SLC14A2: variants seen among roughly 807,000 people sequenced by gnomAD.
The protein encoded by SLC14A2 is solute carrier family 14 member 2.
Under a neutral mutation model 104.6 loss-of-function variants are expected in SLC14A2, and 91 were observed. The observed-to-expected ratio is 0.87, with a 90% CI of 0.73 to 1.04. The LOEUF is 1.04. Ranked by LOEUF, SLC14A2 falls within the 50% of genes least tolerant of loss-of-function variation. The probability of loss-of-function intolerance (pLI) is 0.00; values close to 1 mark genes in which losing one functional copy is unlikely to be tolerated. For missense variants in SLC14A2, 1,189 were observed against 1,156.0 expected, an observed-to-expected ratio of 1.03 and a Z score of -0.41; for synonymous variants, 476 against 466.4, an observed-to-expected ratio of 1.02 and a Z score of -0.27.
intron 1 of SLC14A2, among the ~76,000 whole-genome samples, chr18:45,350,399 G>T (rs1328031220): frequency 6.6e-6 from 1 of 152,120 alleles, no homozygotes; most frequent in Non-Finnish European, 1.5e-5. Flanking sequence ...AAGGTCACAG[G>T]GACAGCACGT....
chr18:45,546,643 G>A (rs375724137), intron 2 of SLC14A2, among the ~76,000 whole-genome samples: 5 of 152,294 alleles, frequency 3.3e-5, no homozygotes, highest in Non-Finnish European at 5.9e-5. Context: ...GATTGGTTTC[G>A]AAGCCAGACT....
intron 1 of SLC14A2, among the ~76,000 whole-genome samples, chr18:45,216,097 T>C (rs2143978949): frequency 6.6e-6 from 1 of 152,270 alleles, no homozygotes; most frequent in East Asian, 1.9e-4. Context: ...AAGAATAAAC[T>C]TTTTTTCCCT....
intron 2 of SLC14A2, among the ~76,000 whole-genome samples, chr18:45,541,011 T>A (rs906628556): frequency 6.6e-6 from 1 of 152,124 alleles, no homozygotes; most frequent in Admixed American, 6.5e-5. Flanking sequence ...GAATGTCTTA[T>A]TTCAGCCCTT....
chr18:45,681,044 GTTTTTTTTTTTTTTTTTTTTTTTT>G, intron 19 of SLC14A2, among the ~76,000 whole-genome samples: 1 of 5,374 alleles, frequency 1.9e-4, no homozygotes, highest in Admixed American at 3.8e-3. Context: ...AGTATCTGAG[GTTTTTTTTTTTTTTTTTTTTTTTT>G]TTTTTTTTTT....
chr18:45,462,682 A>C (rs981296166), intron 1 of SLC14A2, among the ~76,000 whole-genome samples: 1 of 152,224 alleles, frequency 6.6e-6, no homozygotes, highest in Non-Finnish European at 1.5e-5. Flanking sequence ...CACGTGGTAG[A>C]TGGAGCAGCT....
At chr18:45,281,958 G>A (rs1817692543) in intron 1 of SLC14A2, among the ~76,000 whole-genome samples, 1 of 152,060 alleles carries the variant, frequency 6.6e-6, no homozygotes, top group Non-Finnish European at 1.5e-5. Flanking sequence ...CTCTGACCTG[G>A]TTCCTACTTG....
At chr18:45,606,080 T>C (rs963478444) in intron 2 of SLC14A2, among the ~76,000 whole-genome samples, 2 of 152,156 alleles carry the variant, frequency 1.3e-5, no homozygotes, top group African/African-American at 4.8e-5. Flanking sequence ...GGGGAGGTGA[T>C]GAGGAAGTAT....
intron 1 of SLC14A2, among the ~76,000 whole-genome samples, chr18:45,359,079 T>G (rs1402757362): frequency 6.6e-6 from 1 of 152,098 alleles, no homozygotes; most frequent in Non-Finnish European, 1.5e-5. Flanking sequence ...TCAGATGAGA[T>G]AATGTCACTT....
intron 1 of SLC14A2, among the ~76,000 whole-genome samples, chr18:45,337,031 G>GAA (rs111926259): frequency 3.4e-5 from 5 of 145,980 alleles, no homozygotes; most frequent in African/African-American, 1.0e-4. Context: ...AAAATATTTA[G>GAA]AAAAAAAAAA....
chr18:45,306,843 A>T (rs1377806568), intron 1 of SLC14A2, among the ~76,000 whole-genome samples: 1 of 152,144 alleles, frequency 6.6e-6, no homozygotes, highest in East Asian at 1.9e-4. Context: ...CTTTGTGCGT[A>T]ACTCACTTGT....
At chr18:45,525,078 AG>A (rs1418940962) in intron 2 of SLC14A2, among the ~76,000 whole-genome samples, 1 of 152,126 alleles carries the variant, frequency 6.6e-6, no homozygotes, top group Non-Finnish European at 1.5e-5. Flanking sequence ...CCAGATAAAA[AG>A]GATACCTCTT....
At position 45,223,882 on chromosome 18, in the gene SLC14A2, G is replaced by A. The variant is rs184575906; in HGVS notation, c.-125+10691G>A. Among the ~76,000 whole-genome samples, 554 of 152,316 alleles carry A rather than the reference G, an allele frequency of 3.6e-3. 4 individuals carry two copies. The highest frequency in any genetic ancestry group is 0.01 in the Middle Eastern group (3 of 294). ...CTCCAGGGAAACAGGCCCTTTGTGA[G>A]GTGCTCCTTTGATGAGAAACATAAT... On this transcript the variant is annotated intron_variant, in intron 1 of 20. Coordinates refer to the SLC14A2 transcript ENST00000586448.
chr18:45,371,786 A>G (rs1318729403), intron 1 of SLC14A2, among the ~76,000 whole-genome samples: 1 of 152,166 alleles, frequency 6.6e-6, no homozygotes, highest in African/African-American at 2.4e-5. Context: ...ATATCTGATT[A>G]TTTTCTTTAC....
chr18:45,267,329 T>C lies in SLC14A2; in HGVS notation c.-125+54138T>C, dbSNP rs181380736. ...TTAGTCTCCATGCTCTGCGGCCTCATTTGATAACTCCACAACATTTTCTGA... is the reference window on the plus strand; with the variant it reads ...TTAGTCTCCATGCTCTGCGGCCTCACTTGATAACTCCACAACATTTTCTGA... On this transcript the variant is annotated intron_variant, in intron 1 of 20. Transcript: ENST00000586448. 1.8e-3 allele frequency among the ~76,000 whole-genome samples: 269 copies of C among 152,236 alleles called. 2 individuals carry two copies. The highest frequency in any genetic ancestry group is 3.7e-3 in the East Asian group (19 of 5,168).
At chr18:45,620,668 T>TA (rs536961065) in intron 1 of SLC14A2, among the ~76,000 whole-genome samples, 96 of 152,212 alleles carry the variant, frequency 6.3e-4, no homozygotes, top group Admixed American at 2.1e-3. Context: ...AAAAGAAATA[T>TA]AAAAATCTTT....
At chr18:45,210,055 C>T (rs2083949235), upstream of SLC14A2, among the ~76,000 whole-genome samples, 1 of 152,204 alleles carries the variant, frequency 6.6e-6, no homozygotes, top group Non-Finnish European at 1.5e-5. Context: ...CCTCAAATAT[C>T]CATGTAGGCA....
At chr18:45,310,835 C>T (rs938627537) in intron 1 of SLC14A2, among the ~76,000 whole-genome samples, 22 of 152,270 alleles carry the variant, frequency 1.4e-4, no homozygotes, top group African/African-American at 5.3e-4. Flanking sequence ...TGGTGGGGTA[C>T]AGCAGGCCAA....
chr18:45,370,150 CAAAAG>C (rs2085707548), intron 1 of SLC14A2, among the ~76,000 whole-genome samples: 2 of 152,080 alleles, frequency 1.3e-5, no homozygotes, highest in Non-Finnish European at 2.9e-5. Context: ...CTAGAAAACA[CAAAAG>C]AAACAGAAAC....
the SLC14A2 span, among the ~76,000 whole-genome samples, chr18:45,185,400 C>T: frequency 6.6e-6 from 1 of 152,066 alleles, no homozygotes; most frequent in Non-Finnish European, 1.5e-5. Context: ...CTGAGGCTGG[C>T]CAGAGTCTAC....
Sources: gnomAD v4.1 joint callset for allele counts (sites outside exome capture counted in the v4.1 genomes callset) on GRCh38, gnomAD v4.1.1 for gene constraint, MANE v1.5 for transcripts, NCBI Gene and HGNC (gene_info 2026-07-23, HGNC 2026-07-21) for gene names.